ASIC2: variants seen among roughly 807,000 people sequenced by gnomAD.
The protein encoded by ASIC2 is acid sensing ion channel subunit 2.
ASIC2 carries 25 observed loss-of-function variants against 57.3 expected under a neutral mutation model. The observed-to-expected ratio is 0.44, with a 90% CI of 0.32 to 0.61. The LOEUF is 0.61. Ranked by LOEUF, ASIC2 falls within the 20% of genes least tolerant of loss-of-function variation. ASIC2 has a pLI of 0.06. For synonymous variants in ASIC2, 319 were observed against 307.5 expected (o/e 1.04, Z -0.39); for missense variants, 641 against 738.1 (o/e 0.87, Z 1.52).
chr17:33,579,704 C>G (rs1239671124), intron 1 of ASIC2, among the ~76,000 whole-genome samples: 1 of 152,138 alleles, frequency 6.6e-6, no homozygotes. Context: ...ACCTTCGCAG[C>G]CAGCGTTACA....
chr17:33,946,784 G>T (rs554622407), intron 1 of ASIC2, among the ~76,000 whole-genome samples: 1 of 152,302 alleles, frequency 6.6e-6, no homozygotes, highest in Middle Eastern at 3.4e-3. Context: ...AAGGGTCATG[G>T]ATAAAGCTGG....
chr17:33,844,623 G>A (rs889621338), intron 1 of ASIC2, among the ~76,000 whole-genome samples: 17 of 152,124 alleles, frequency 1.1e-4, no homozygotes, highest in African/African-American at 3.6e-4. Flanking sequence ...GAGAGTAACC[G>A]GTCTTCAAAA....
At chr17:34,090,263 G>T (rs558594258) in intron 1 of ASIC2, among the ~76,000 whole-genome samples, 2 of 152,214 alleles carry the variant, frequency 1.3e-5, no homozygotes, top group Non-Finnish European at 2.9e-5. Flanking sequence ...AGCCAAACAT[G>T]TGCCCACACA....
intron 1 of ASIC2, among the ~76,000 whole-genome samples, chr17:33,190,277 A>G (rs2142067411): frequency 6.6e-6 from 1 of 152,330 alleles, no homozygotes; most frequent in Non-Finnish European, 1.5e-5. Flanking sequence ...ATTAAAATAA[A>G]AAACCATTTA....
At chr17:33,943,691 G>GAA (rs1916242734) in intron 1 of ASIC2, among the ~76,000 whole-genome samples, 1 of 74,100 alleles carries the variant, frequency 1.3e-5, no homozygotes, top group African/African-American at 6.0e-5. Context: ...AATGATAATA[G>GAA]TAAAAAAAAA....
chr17:33,779,081 C>A (rs983515463), intron 1 of ASIC2, among the ~76,000 whole-genome samples: 1 of 152,124 alleles, frequency 6.6e-6, no homozygotes, highest in Non-Finnish European at 1.5e-5. Context: ...CATAGGGGCC[C>A]AGACCACTTT....
chr17:34,093,690 T>C (rs1020708633), intron 1 of ASIC2, among the ~76,000 whole-genome samples: 1 of 152,220 alleles, frequency 6.6e-6, no homozygotes, highest in African/African-American at 2.4e-5. Flanking sequence ...CAATTATCTC[T>C]ACCTGGATGT....
chr17:33,292,908 C>T lies in ASIC2; in HGVS notation c.-793G>A. 1 of 985,554 alleles carries T rather than the reference C, an allele frequency of 1.0e-6. No individual in the cohort carries two copies. Among genetic ancestry groups the T allele is most frequent in the Non-Finnish European group, 1.2e-6 (1 of 830,010 alleles). 61.1% of individuals were successfully genotyped at this position (985,554 alleles called of 1,614,324 possible). On this transcript the variant is annotated 5_prime_UTR_variant, in exon 1 of 10. Coordinates refer to ENST00000225823, the MANE Select transcript of ASIC2 (RefSeq NM_183377.2). ...GCTGAGAGCTTCTCAGGGCGTCCTG[C>T]GGGAGGCTGTTCGCCGCCGGGGTCC...
intron 1 of ASIC2, chr17:34,051,749 GA>G (rs1215003890): frequency 1.3e-5 from 2 of 151,904 alleles, no homozygotes; most frequent in African/African-American, 4.8e-5. Flanking sequence ...GAAAGGTAAA[GA>G]GAGAAAAATT....
At chr17:33,460,935 G>A (rs1033184271) in intron 1 of ASIC2, among the ~76,000 whole-genome samples, 4 of 152,196 alleles carry the variant, frequency 2.6e-5, no homozygotes, top group East Asian at 3.9e-4. Context: ...TTCCCACTGG[G>A]AACTATCAAC....
At chr17:33,940,548 T>TTTCC (rs919387904) in intron 1 of ASIC2, among the ~76,000 whole-genome samples, 10 of 151,872 alleles carry the variant, frequency 6.6e-5, no homozygotes, top group African/African-American at 1.5e-4. Flanking sequence ...TCCTTCCTTC[T>TTTCC]TTCCTTCCTT....
intron 1 of ASIC2, among the ~76,000 whole-genome samples, chr17:33,301,009 CATTTATTTATTT>C (rs71144872): frequency 1.3e-5 from 2 of 149,432 alleles, no homozygotes; most frequent in Non-Finnish European, 3.0e-5. Context: ...TCTTTTTATT[CATTTATTTATTT>C]ATTTATTTAT....
Position 33,422,342 on chromosome 17 carries a change from C to T in ASIC2, c.556-310275G>A, listed in dbSNP as rs151283843. 5.1e-3 allele frequency among the ~76,000 whole-genome samples: 778 copies of T among 152,326 alleles called. 2 individuals carry two copies. Among genetic ancestry groups the T allele is most frequent in the Non-Finnish European group, 7.3e-3 (494 of 68,038 alleles). ...AGAAGACTGCTCCTGTAGCAACCCC[C>T]GTCCCCACAGCTCCACCCTGGGAAA... On this transcript the variant is annotated intron_variant, in intron 1 of 9. Transcript: ENST00000359872.
intron 1 of ASIC2, among the ~76,000 whole-genome samples, chr17:33,676,464 A>T (rs1907821948): frequency 6.6e-6 from 1 of 152,240 alleles, no homozygotes; most frequent in Non-Finnish European, 1.5e-5. Context: ...GAACACAGGA[A>T]TAAGAAGAAA....
At chr17:33,140,699 G>A (rs968849069) in intron 1 of ASIC2, among the ~76,000 whole-genome samples, 1 of 152,264 alleles carries the variant, frequency 6.6e-6, no homozygotes, top group Non-Finnish European at 1.5e-5. Context: ...CTGGCAGCAA[G>A]TGTAAGACTT....
chr17:33,627,333 G>A (rs576739588), intron 1 of ASIC2: 1 of 152,392 alleles, frequency 6.6e-6, no homozygotes, highest in African/African-American at 2.4e-5. Context: ...CAGTGCTAAA[G>A]TGTGAAGACA....
At chr17:33,118,676 C>G (rs1395094821) in intron 1 of ASIC2, among the ~76,000 whole-genome samples, 3 of 152,126 alleles carry the variant, frequency 2.0e-5, no homozygotes, top group Non-Finnish European at 4.4e-5. Context: ...TTATTTTGCA[C>G]CTGGGGAGTC....
At chr17:33,869,549 T>A (rs1218376351) in intron 1 of ASIC2, among the ~76,000 whole-genome samples, 1 of 152,212 alleles carries the variant, frequency 6.6e-6, no homozygotes, top group Admixed American at 6.5e-5. Flanking sequence ...GGTGGAATAT[T>A]ATTCATTCAT....
chr17:33,063,065 G>A (rs1020770539), intron 3 of ASIC2, among the ~76,000 whole-genome samples: 12 of 152,168 alleles, frequency 7.9e-5, no homozygotes, highest in Admixed American at 5.2e-4. Flanking sequence ...TCCCTCACGT[G>A]AGATGGGTTT....
Sources: gnomAD v4.1 joint callset for allele counts (sites outside exome capture counted in the v4.1 genomes callset) on GRCh38, gnomAD v4.1.1 for gene constraint, MANE v1.5 for transcripts, NCBI Gene and HGNC (gene_info 2026-07-23, HGNC 2026-07-21) for gene names.